The following AGR3 variants were observed in gnomAD, a reference collection of about 807,000 sequenced individuals.
AGR3 encodes the protein anterior gradient 3, protein disulphide isomerase family member, also known as anterior gradient protein 3.
A neutral mutation model predicts 24.5 loss-of-function variants in AGR3; 37 were observed. The observed-to-expected ratio is 1.51, with a 90% CI of 1.16 to 1.99. AGR3 has a LOEUF of 1.99. AGR3 is among the 30% of genes most tolerant of loss of function. AGR3 has a pLI of 0.00. For missense variants in AGR3, 228 were observed against 191.1 expected (o/e 1.19, Z -1.14); for synonymous variants, 75 against 61.6 (o/e 1.22, Z -1.02).
At chr7:16,881,819 A>G (rs1782122950) in intron 1 of AGR3, 125 bp downstream of exon 1, 1 of 392,022 alleles carries the variant, frequency 2.6e-6, no homozygotes, top group Non-Finnish European at 5.2e-6. Flanking sequence ...AAGAAGAAAA[A>G]TAAAAATTCA....
intron 3 of AGR3, among the ~76,000 whole-genome samples, chr7:16,863,901 C>G (rs951280818): frequency 7.9e-5 from 12 of 152,054 alleles, no homozygotes; most frequent in Admixed American, 7.2e-4. Flanking sequence ...TAATTGCATC[C>G]TAAACTCTTG....
chr7:16,877,841 T>G (rs1007116858), intron 2 of AGR3, among the ~76,000 whole-genome samples: 1 of 134,430 alleles, frequency 7.4e-6, no homozygotes, highest in Non-Finnish European at 1.5e-5. Context: ...CCAGCCTGGG[T>G]GACAGAGCAA....
At chr7:16,869,075 A>G (rs995442303) in intron 3 of AGR3, among the ~76,000 whole-genome samples, 8 of 152,190 alleles carry the variant, frequency 5.3e-5, no homozygotes, top group Non-Finnish European at 1.5e-5. Context: ...TCTAAAGTGT[A>G]GTTCAAGTCC....
chr7:16,860,571 G>A lies in AGR3; in HGVS notation c.380C>T (p.Thr127Ile). 2.5e-6 allele frequency: 4 copies of A among 1,612,406 alleles called. No homozygotes were observed. Among genetic ancestry groups the A allele is most frequent in the Non-Finnish European group, 3.4e-6 (4 of 1,179,088 alleles). Reference protein sequence around the residue: ...PRIMFVDPSLTVRADIAGRYS... With the variant: ...PRIMFVDPSLIVRADIAGRYS... ...TCTTCCAGCTATGTCAGCTCTAACT[G>A]TTAAAGAAGGGTCTGTCAAGGAAAA... is the stretch of plus-strand genomic sequence containing the variant. The change falls in exon 7 of 8, where the codon ACA becomes ATA. Residue 127 changes from threonine (T) to isoleucine (I), a missense_variant. Transcript: ENST00000310398.
intron 3 of AGR3, among the ~76,000 whole-genome samples, chr7:16,872,869 A>G (rs1781910833): frequency 6.6e-6 from 1 of 152,212 alleles, no homozygotes; most frequent in African/African-American, 2.4e-5. Context: ...ATCTCTAATC[A>G]TCGGGGAAAG....
At chr7:16,864,793 T>G in intron 3 of AGR3, 1 of 983,360 alleles carries the variant, frequency 1.0e-6, no homozygotes, top group South Asian at 1.3e-5. Flanking sequence ...TCCGGCTTTG[T>G]TGGAATGTAT....
intron 2 of AGR3, among the ~76,000 whole-genome samples, chr7:16,875,114 CAAA>C (rs58302584): frequency 0.026 from 3,527 of 135,082 alleles, 147 homozygotes; most frequent in African/African-American, 0.089. Flanking sequence ...GACTCCATCT[CAAA>C]AAAAAAAAAA....
chr7:16,880,388 T>C (rs902136230), intron 1 of AGR3, among the ~76,000 whole-genome samples: 1 of 151,984 alleles, frequency 6.6e-6, no homozygotes, highest in African/African-American at 2.4e-5. Context: ...CTCAAACTCC[T>C]GACCTCAAAT....
At chr7:16,861,936 A>G (rs752409949) in intron 5 of AGR3, 48 bp downstream of exon 5, 8 of 1,481,336 alleles carry the variant, frequency 5.4e-6, no homozygotes, top group Admixed American at 2.1e-5. Flanking sequence ...CGGATTCAAA[A>G]TTTCCATGAA....
At chr7:16,874,732 TC>T (rs1250588558) in intron 2 of AGR3, among the ~76,000 whole-genome samples, 1 of 152,176 alleles carries the variant, frequency 6.6e-6, no homozygotes, top group African/African-American at 2.4e-5. Flanking sequence ...TAAATATGAT[TC>T]CATGATTTTT....
At chr7:16,865,898 C>T in intron 3 of AGR3, 3 of 717,564 alleles carry the variant, frequency 4.2e-6, no homozygotes, top group Non-Finnish European at 7.8e-6. Context: ...TCCAGGAGGA[C>T]CTGTTATTAA....
chr7:16,861,344 C>G (rs1395476945), intron 6 of AGR3, 40 bp downstream of exon 6: 6 of 1,449,082 alleles, frequency 4.1e-6, no homozygotes, highest in South Asian at 1.4e-5. Context: ...CTGATTTCTA[C>G]TAATTTTGTA....
chr7:16,862,893 C>T (rs1043201462), intron 3 of AGR3, among the ~76,000 whole-genome samples: 1 of 152,134 alleles, frequency 6.6e-6, no homozygotes. Flanking sequence ...AGGCTCCGTT[C>T]CCAAATCAGG....
At chr7:16,868,684 T>C (rs542960497) in intron 3 of AGR3, among the ~76,000 whole-genome samples, 1 of 152,146 alleles carries the variant, frequency 6.6e-6, no homozygotes, top group African/African-American at 2.4e-5. Context: ...TTTTTGCTTT[T>C]GTTTCTCATG....
At chr7:16,880,549 C>A (rs1175298677) in intron 1 of AGR3, among the ~76,000 whole-genome samples, 2 of 119,710 alleles carry the variant, frequency 1.7e-5, no homozygotes, top group African/African-American at 3.2e-5. Context: ...CCCCTCCTCT[C>A]CCCTCCTTTC....
chr7:16,877,535 C>T (rs1316125843), intron 2 of AGR3, among the ~76,000 whole-genome samples: 1 of 151,792 alleles, frequency 6.6e-6, no homozygotes, highest in Non-Finnish European at 1.5e-5. Flanking sequence ...TCTGTTCCTA[C>T]TTCTGTTACT....
At chr7:16,874,854 T>C (rs1254369810) in intron 2 of AGR3, among the ~76,000 whole-genome samples, 1 of 152,156 alleles carries the variant, frequency 6.6e-6, no homozygotes, top group Non-Finnish European at 1.5e-5. Context: ...TGGTGGCTCA[T>C]GACTGTAATC....
At chr7:16,857,788 A>C (rs1583832152), downstream of AGR3, among the ~76,000 whole-genome samples, 1 of 152,190 alleles carries the variant, frequency 6.6e-6, no homozygotes, top group East Asian at 1.9e-4. Context: ...CTTAAAATTA[A>C]CAGAATAGTG....
At chr7:16,875,886 TACATC>T (rs1167136818) in intron 2 of AGR3, among the ~76,000 whole-genome samples, 7 of 152,196 alleles carry the variant, frequency 4.6e-5, no homozygotes, top group Admixed American at 2.0e-4. Context: ...GCAATATCTA[TACATC>T]ACATTTTGCA....
Sources: allele counts gnomAD v4.1 joint callset (sites outside exome capture counted in the v4.1 genomes callset), GRCh38; gene constraint gnomAD v4.1.1; transcripts MANE v1.5; gene names NCBI Gene and HGNC (gene_info 2026-07-23, HGNC 2026-07-21).